The following FAT1 variants were observed in gnomAD, a reference collection of about 807,000 sequenced individuals.
FAT1 encodes the protein protocadherin Fat 1.
Under a neutral mutation model 329.8 loss-of-function variants are expected in FAT1, and 171 were observed. That is an observed-to-expected ratio of 0.52 (90% CI 0.46 to 0.59). The LOEUF (loss-of-function observed/expected upper bound fraction) is 0.59. Among genes scored for constraint, FAT1 ranks in the 20% least tolerant of loss-of-function variants. FAT1 has a pLI of 0.00. For missense variants in FAT1, 5,672 were observed against 5,774.4 expected, an observed-to-expected ratio of 0.98 and a Z score of 0.57; for synonymous variants, 2,233 against 2,228.6, an observed-to-expected ratio of 1.00 and a Z score of -0.06.
chr4:186,636,302 G>T, intron 5 of FAT1, 67 bp from the exon 6 acceptor site: 1 of 1,427,154 alleles, frequency 7.0e-7, no homozygotes. Flanking sequence ...AATGAATGAA[G>T]CACAGACTGG....
Position 186,706,872 on chromosome 4 carries a change from C to T in FAT1, c.2956G>A (p.Val986Ile), listed in dbSNP as rs750746155. The T allele has an allele frequency of 5.1e-5, 82 of 1,613,956 alleles. No individual in the cohort carries two copies. In the East Asian group the frequency reaches 1.2e-3, roughly 23 times the overall value. Reference protein sequence around the residue: ...VDKLSGAVRIVQQLDFEKKQV... With the variant: ...VDKLSGAVRIIQQLDFEKKQV... ...TTCTTCTCAAAGTCCAACTGCTGGA[C>T]GATCCTAACTGCTCCACTGAGTTTA... The change falls in exon 2 of 27, where the codon GTC (valine) becomes ATC (isoleucine). Residue 986 changes from valine (V) to isoleucine (I), a missense_variant. Physicochemically the swap from Val to Ile is conservative, Grantham distance 29 (BLOSUM62 3). Around this residue, in one of 2 missense-constraint regions of FAT1, gnomAD observed 3,966 missense variants for 3,915.2 expected, o/e 1.01. Transcript: ENST00000441802.
intron 3 of FAT1, among the ~76,000 whole-genome samples, chr4:186,642,995 C>T (rs185557419): frequency 6.4e-4 from 98 of 152,242 alleles, no homozygotes; most frequent in African/African-American, 1.8e-3. Context: ...TTTACGAAGA[C>T]GAGATTGTCT....
intron 25 of FAT1, among the ~76,000 whole-genome samples, 161 bp from the exon 26 acceptor site, chr4:186,595,987 G>A (rs1175572990): frequency 1.3e-5 from 2 of 151,932 alleles, no homozygotes; most frequent in Admixed American, 6.6e-5. Context: ...CTCAAACGAA[G>A]AAATAAAAAA....
chr4:186,723,593 C>T (rs1459163799), intron 1 of FAT1, 71 bp downstream of exon 1: 1 of 152,196 alleles, frequency 6.6e-6, no homozygotes, highest in Admixed American at 6.5e-5. Context: ...GGCGGACACC[C>T]ACAGAGTCCG....
chr4:186,654,404 A>G (rs1741809336), intron 3 of FAT1, among the ~76,000 whole-genome samples: 1 of 152,166 alleles, frequency 6.6e-6, no homozygotes, highest in Non-Finnish European at 1.5e-5. Context: ...ATAAAAAAAG[A>G]CTTCAGAGAA....
intron 2 of FAT1, among the ~76,000 whole-genome samples, chr4:186,701,294 CA>C (rs1744298836): frequency 6.6e-6 from 1 of 152,164 alleles, no homozygotes; most frequent in Non-Finnish European, 1.5e-5. Context: ...ATCACACACA[CA>C]CAAGATTTTT....
rs773704355 is a variant in FAT1, at chr4:186,708,005, G to A, written c.1823C>T (p.Ala608Val). The change falls in exon 2 of 27, where the codon GCT becomes GTT. Residue 608 changes from alanine (A) to valine (V), a missense_variant. This residue lies in a region of FAT1 where 3,966 missense variants were observed against 3,915.2 expected (regional missense o/e 1.01). Coordinates refer to ENST00000441802, the MANE Select transcript of FAT1 (RefSeq NM_005245.4). The stretch of plus-strand genomic sequence containing the variant: ...ACTAAAGAAATCCAGTTCATTTCCA[G>A]CTTCAATCTGATACTGTACCAACTG... ...ELQLVQYQIE[A>V]GNELDFFSLN... The A allele has an allele frequency of 6.2e-7, 1 of 1,613,720 alleles. No homozygotes were observed. The highest frequency in any genetic ancestry group is 8.5e-7 in the Non-Finnish European group (1 of 1,179,886).
rs1193669577 is a variant in FAT1, at chr4:186,628,289, C to T, written c.4675G>A (p.Ala1559Thr). Residue 1559 changes from alanine (A) to threonine (T), a missense_variant, in exon 9 of 27, where the codon GCC becomes ACC. Coordinates refer to ENST00000441802, the MANE Select transcript of FAT1 (RefSeq NM_005245.4). The stretch of plus-strand genomic sequence containing the variant: ...TAGGAGGAAGCGGTGAACCACGGGG[C>T]GTGGTCATTCGTGTCGCTGACATTG... ...VVNVSDTNDH[A>T]PWFTASSYKG... The T allele has an allele frequency of 1.7e-5, 28 of 1,613,638 alleles. No individual in the cohort carries two copies. Among genetic ancestry groups the T allele is most frequent in the Non-Finnish European group, 2.1e-5 (25 of 1,179,734 alleles).
In FAT1 at chr4:186,603,859, C is replaced by G. The variant is rs867235929; in HGVS notation, c.10667G>C (p.Gly3556Ala). 6.2e-6 allele frequency: 10 copies of G among 1,613,858 alleles called. No homozygotes were observed. The highest frequency in any genetic ancestry group is 4.4e-5 in the South Asian group (4 of 91,082). ...LPLEIFITSS[G>A]EEYSGGVIGK... is the part of the protein sequence containing the mutation. ...AATGACGCCACCTGAGTATTCTTCTCCAGAAGAGGTGATGAAAATCTCCAG... is the reference window on the plus strand; with the variant it reads ...AATGACGCCACCTGAGTATTCTTCTGCAGAAGAGGTGATGAAAATCTCCAG... Residue 3556 changes from glycine to alanine, a missense_variant, in exon 19 of 27, where the codon GGA (glycine) becomes GCA (alanine). Physicochemically the swap from Gly to Ala is moderately conservative, Grantham distance 60. Around this residue, in one of 2 missense-constraint regions of FAT1, gnomAD observed 1,706 missense variants for 1,859.1 expected, o/e 0.92. Transcript: ENST00000441802.
intron 2 of FAT1, among the ~76,000 whole-genome samples, 158 bp downstream of exon 2, chr4:186,706,405 C>T (rs1744595384): frequency 6.6e-6 from 1 of 151,340 alleles, no homozygotes; most frequent in Non-Finnish European, 1.5e-5. Context: ...AACACATCTA[C>T]AATACAGCAG....
At position 186,609,566 on chromosome 4, in the gene FAT1, G is replaced by A. The variant is rs566994689; in HGVS notation, c.10068+235C>T. Among the ~76,000 whole-genome samples, 12 of 152,028 alleles carry A rather than the reference G, an allele frequency of 7.9e-5. 1 individual carries two copies. The highest frequency in any genetic ancestry group is 1.9e-4 in the African/African-American group (8 of 41,486). On this transcript the variant is annotated intron_variant, in intron 15 of 26. Transcript: ENST00000441802. Reference sequence around the variant, plus strand: ...CGAGTAGCTGGGACTACAGGCGCCCGCCACCACGCCTGGCTAATTTTTTTT... The same window carrying A: ...CGAGTAGCTGGGACTACAGGCGCCCACCACCACGCCTGGCTAATTTTTTTT...
At chr4:186,602,783 C>G (rs1738876634) in intron 20 of FAT1, 120 bp downstream of exon 20, 1 of 1,101,976 alleles carries the variant, frequency 9.1e-7, no homozygotes, top group Non-Finnish European at 1.3e-6. Flanking sequence ...ATCTCCACAT[C>G]TGTCTTCTTA....
chr4:186,609,898 T>C lies in FAT1; in HGVS notation c.9971A>G (p.Asn3324Ser), dbSNP rs908342284. 2 of 1,613,070 alleles carry C rather than the reference T, an allele frequency of 1.2e-6. No individual in the cohort carries two copies. Among genetic ancestry groups the C allele is most frequent in the African/African-American group, 1.3e-5 (1 of 74,764 alleles). The change falls in exon 15 of 27, where the codon AAT becomes AGT. Residue 3324 changes from asparagine (N) to serine (S), a missense_variant. Asn to Ser is a conservative substitution (Grantham distance 46, BLOSUM62 1). Transcript: ENST00000441802. ...GGTATTATCGTTGATATCTGTTACA[T>C]TAACGTTCACAGTGGCAACGTCGCT... Reference protein sequence around the residue: ...SLSDVATVNVNVTDINDNTPV... With the variant: ...SLSDVATVNVSVTDINDNTPV...
At chr4:186,604,254 C>G (rs1360816809) in intron 18 of FAT1, 123 bp downstream of exon 18, 7 of 833,004 alleles carry the variant, frequency 8.4e-6, no homozygotes. Flanking sequence ...AAAACAAAGA[C>G]AGCAATTCTA....
intron 2 of FAT1, among the ~76,000 whole-genome samples, chr4:186,697,530 C>A (rs1267902393): frequency 1.3e-5 from 2 of 152,204 alleles, no homozygotes; most frequent in Non-Finnish European, 2.9e-5. Flanking sequence ...ACTACAGGTT[C>A]TTATTTCACT....
rs1740849192 is a variant in FAT1 at position 186,636,876 on chromosome 4, G to C, written c.3681C>G (p.Thr1227=). 1 of 1,613,152 alleles carries C rather than the reference G, an allele frequency of 6.2e-7. No individual in the cohort carries two copies. The highest frequency in any genetic ancestry group is 8.5e-7 in the Non-Finnish European group (1 of 1,179,578). The change falls in exon 5 of 27, where the codon ACC becomes ACG. Residue 1227 remains threonine, a synonymous_variant. Transcript: ENST00000441802. ...VTDNGSPPKS[T]IARVIVKILD... is the part of the protein sequence containing the mutation. ...GGATTTTCACAATGACTCTTGCAAT[G>C]GTTGATTTGGGGGGACTACCATTGT...
At chr4:186,621,815 A>T in intron 9 of FAT1, 40 bp from the exon 10 acceptor site, 2 of 1,284,004 alleles carry the variant, frequency 1.6e-6, no homozygotes, top group Non-Finnish European at 2.1e-6. Context: ...AGAAAAACAC[A>T]AGGGGCAGTA....
chr4:186,695,944 A>T (rs938375227), intron 2 of FAT1, among the ~76,000 whole-genome samples: 5 of 152,136 alleles, frequency 3.3e-5, no homozygotes, highest in Non-Finnish European at 7.4e-5. Flanking sequence ...GGTGTGCGCC[A>T]CTAGGCCCAG....
At chr4:186,715,350 C>T (rs1168584071) in intron 1 of FAT1, among the ~76,000 whole-genome samples, 4 of 152,012 alleles carry the variant, frequency 2.6e-5, no homozygotes, top group Non-Finnish European at 4.4e-5. Context: ...ACAGCTGGGA[C>T]GGACTTGTGG....
Sources: gnomAD v4.1 joint callset for allele counts (sites outside exome capture counted in the v4.1 genomes callset) on GRCh38, gnomAD v4.1.1 for gene constraint, gnomAD v4.1.1 regional missense constraint, MANE v1.5 for transcripts, NCBI Gene and HGNC (gene_info 2026-07-23, HGNC 2026-07-21) for gene names.